The following PPARA variants were observed in gnomAD, a reference collection of about 807,000 sequenced individuals.
PPARA encodes the protein peroxisome proliferator-activated receptor alpha.
Under a neutral mutation model 42.2 loss-of-function variants are expected in PPARA, and 22 were observed. That is an observed-to-expected ratio of 0.52 (90% confidence interval 0.37 to 0.74). The LOEUF (loss-of-function observed/expected upper bound fraction) is 0.74, where lower values mean the gene tolerates loss of function less well. Among genes scored for constraint, PPARA ranks in the 30% least tolerant of loss-of-function variants. The pLI is 0.00. For missense variants in PPARA, 465 were observed against 608.2 expected, an observed-to-expected ratio of 0.76 and a Z score of 2.48; for synonymous variants, 242 against 239.3, an observed-to-expected ratio of 1.01 and a Z score of -0.10.
rs1934452692 is a variant in PPARA at position 46,216,023 on chromosome 22, A to G, written c.369+690A>G. Among the ~76,000 whole-genome samples, 1 of 152,192 alleles carries G rather than the reference A, an allele frequency of 6.6e-6. No homozygotes were observed. Among genetic ancestry groups the G allele is most frequent in the Non-Finnish European group, 1.5e-5 (1 of 68,038 alleles). The stretch of plus-strand genomic sequence containing the variant: ...AAGGTTGGGGATTGCTGCTTTAGAG[A>G]GTCTAGGACAAATGGTTCCTCTGTG... On this transcript the variant is annotated intron_variant, in intron 5 of 8. Transcript: ENST00000407236. This position sits in a 1 kb window ranked among gnomAD's most constrained non-coding sequence, Gnocchi z 4.5.
At chr22:46,170,402 ATTTTTTTTTTTT>A (rs935185946) in intron 2 of PPARA, among the ~76,000 whole-genome samples, 3 of 64,210 alleles carry the variant, frequency 4.7e-5, no homozygotes, top group Non-Finnish European at 8.9e-5. Context: ...CACCCAGCTA[ATTTTTTTTTTTT>A]TTTTTTTTTT....
At chr22:46,158,878 T>G (rs1925714915) in intron 2 of PPARA, among the ~76,000 whole-genome samples, 2 of 152,130 alleles carry the variant, frequency 1.3e-5, no homozygotes, top group African/African-American at 4.8e-5. Flanking sequence ...ACAACTGGGA[T>G]AGTGTCTCTT....
Position 46,227,702 on chromosome 22 carries a change from G to GA in PPARA, c.712-4086dup, listed in dbSNP as rs1338121627. Among the ~76,000 whole-genome samples, 2 of 152,226 alleles carry GA rather than the reference G, an allele frequency of 1.3e-5. No homozygotes were observed. Among genetic ancestry groups the GA allele is most frequent in the African/African-American group, 2.4e-5 (1 of 41,462 alleles). ...CTGCTCTCGGCATGGAGTGATTGGG[G>GA]AAAATCTAGGCAGCTTCCTGCCTCA... On this transcript the variant is annotated intron_variant, in intron 7 of 8. Transcript: ENST00000407236. The surrounding 1 kb of genome is among the most constrained non-coding windows in gnomAD (Gnocchi z 4.3).
intron 7 of PPARA, among the ~76,000 whole-genome samples, chr22:46,226,850 G>C (rs1464507770): frequency 2.0e-5 from 3 of 151,916 alleles, no homozygotes; most frequent in African/African-American, 4.8e-5. Context: ...GACACAGCAA[G>C]ACCCCGTCTC....
At chr22:46,217,468 G>A (rs939068100) in intron 5 of PPARA, among the ~76,000 whole-genome samples, 1 of 152,148 alleles carries the variant, frequency 6.6e-6, no homozygotes, top group Non-Finnish European at 1.5e-5. Flanking sequence ...GCTGGGTAGA[G>A]TTTAAGATGC....
chr22:46,202,605 G>A (rs369177601), intron 4 of PPARA, among the ~76,000 whole-genome samples: 1 of 151,982 alleles, frequency 6.6e-6, no homozygotes, highest in African/African-American at 2.4e-5. Flanking sequence ...GGGCGTGGAG[G>A]CGTGCACCTC....
At position 46,234,474 on chromosome 22, in the gene PPARA, G is replaced by A. The variant is rs1440461293; in HGVS notation, c.1160-659G>A. 2.0e-5 allele frequency among the ~76,000 whole-genome samples: 3 copies of A among 152,068 alleles called. No individual in the cohort carries two copies. The highest frequency in any genetic ancestry group is 1.5e-5 in the Non-Finnish European group (1 of 68,010). On this transcript the variant is annotated intron_variant, in intron 8 of 8. Transcript: ENST00000407236. The surrounding 1 kb of genome is among the most constrained non-coding windows in gnomAD (Gnocchi z 5.8). ...GACTGTCCCAGGATGTCTAGTGCCAGCTACCCCAGGCAGGTCATCTGGTGT... is the reference window on the plus strand; with the variant it reads ...GACTGTCCCAGGATGTCTAGTGCCAACTACCCCAGGCAGGTCATCTGGTGT...
chr22:46,186,000 C>T (rs1750357609), intron 3 of PPARA, among the ~76,000 whole-genome samples: 1 of 116,414 alleles, frequency 8.6e-6, no homozygotes, highest in African/African-American at 3.2e-5. Context: ...AGGACTATTG[C>T]AGAAGGGATT....
At chr22:46,226,943 C>G (rs902969999) in intron 7 of PPARA, among the ~76,000 whole-genome samples, 4 of 151,976 alleles carry the variant, frequency 2.6e-5, no homozygotes, top group African/African-American at 4.8e-5. Flanking sequence ...GTTTTTAAGA[C>G]CAGTTTTGAA....
At chr22:46,168,137 G>A (rs2147170726) in intron 2 of PPARA, among the ~76,000 whole-genome samples, 1 of 151,828 alleles carries the variant, frequency 6.6e-6, no homozygotes, top group African/African-American at 2.4e-5. Context: ...TGGATCACAA[G>A]GGCAGGAGAT....
rs1423577630 is a variant in PPARA at position 46,227,460 on chromosome 22, C to T, written c.712-4332C>T. ...AGACACGGGCTTTTGCCATGTTGGC[C>T]GGGCTGGTCTCGAAATCCTGACCTC... On this transcript the variant is annotated intron_variant, in intron 7 of 8. Transcript: ENST00000407236. The surrounding 1 kb of genome is among the most constrained non-coding windows in gnomAD (Gnocchi z 4.3). 5.9e-5 allele frequency among the ~76,000 whole-genome samples: 9 copies of T among 152,316 alleles called. No homozygotes were observed. The East Asian group carries it at 1.5e-3, about 26-fold the overall frequency.
chr22:46,215,284 A>T lies in PPARA; in HGVS notation c.320A>T (p.Asp107Val). 6.2e-7 allele frequency: 1 copy of T among 1,614,122 alleles called. No individual in the cohort carries two copies. The highest frequency in any genetic ancestry group is 8.5e-7 in the Non-Finnish European group (1 of 1,180,026). Residue 107 changes from aspartate (D) to valine (V), a missense_variant, in exon 5 of 9, where the codon GAC (aspartate) becomes GTC (valine). Around this residue, in one of 2 missense-constraint regions of PPARA, gnomAD observed 152 missense variants for 139.1 expected, o/e 1.09. Coordinates refer to ENST00000407236, the MANE Select transcript of PPARA (RefSeq NM_005036.6). ...ALNIECRICG[D>V]KASGYHYGVH... ...AACATCGAATGTAGAATCTGCGGGGACAAGGCCTCAGGCTATCATTACGGA... is the reference window on the plus strand; with the variant it reads ...AACATCGAATGTAGAATCTGCGGGGTCAAGGCCTCAGGCTATCATTACGGA...
In PPARA at chr22:46,191,658, GGGTGACAGCAGGCTGTGGCTGC is replaced by G. The variant is rs1931570085; in HGVS notation, c.-42-6681_-42-6660del. Among the ~76,000 whole-genome samples the G allele has an allele frequency of 6.6e-6, 1 of 152,180 alleles. No individual in the cohort carries two copies. Among genetic ancestry groups the G allele is most frequent in the Non-Finnish European group, 1.5e-5 (1 of 68,032 alleles). ...CACTGTGTGTGCCGCTTTGCCCTCT[GGGTGACAGCAGGCTGTGGCTGC>G]GGCGACAGAGCTGAGGTGAATTCTC... On this transcript the variant is annotated intron_variant, in intron 3 of 8. Transcript: ENST00000407236. The surrounding 1 kb of genome is among the most constrained non-coding windows in gnomAD (Gnocchi z 4.6).
intron 2 of PPARA, among the ~76,000 whole-genome samples, chr22:46,172,937 T>C (rs1226793614): frequency 1.3e-5 from 2 of 152,240 alleles, no homozygotes; most frequent in Non-Finnish European, 2.9e-5. Context: ...AAACCCTTAC[T>C]AGATTTCCTG....
chr22:46,220,826 C>G (rs1714548250), intron 7 of PPARA, among the ~76,000 whole-genome samples: 1 of 151,866 alleles, frequency 6.6e-6, no homozygotes, highest in Admixed American at 6.6e-5. Context: ...ACCTGTAATT[C>G]CAGCTACTTG....
At chr22:46,179,296 G>T (rs1292234752) in intron 3 of PPARA, among the ~76,000 whole-genome samples, 1 of 152,086 alleles carries the variant, frequency 6.6e-6, no homozygotes, top group Non-Finnish European at 1.5e-5. Flanking sequence ...ATGCCAAATG[G>T]CTTGATAATC....
intron 4 of PPARA, among the ~76,000 whole-genome samples, chr22:46,202,034 T>G (rs1479453636): frequency 6.6e-6 from 1 of 152,160 alleles, no homozygotes; most frequent in Non-Finnish European, 1.5e-5. Context: ...TTGGGTAAGA[T>G]ATACTCTAGA....
intron 2 of PPARA, chr22:46,155,644 T>G (rs922039799): frequency 6.6e-6 from 1 of 152,180 alleles, no homozygotes; most frequent in African/African-American, 2.4e-5. Context: ...GTATAGTTTC[T>G]GATTATGGGG....
chr22:46,214,873 A>C (rs949951165), intron 4 of PPARA, among the ~76,000 whole-genome samples: 2 of 145,966 alleles, frequency 1.4e-5, no homozygotes, highest in Non-Finnish European at 3.0e-5. Context: ...GCCCGGAGAT[A>C]TGCGGGGCGG....
Sources: allele counts gnomAD v4.1 joint callset (sites outside exome capture counted in the v4.1 genomes callset), GRCh38; gene constraint gnomAD v4.1.1; regional missense constraint gnomAD v4.1.1; non-coding constraint Gnocchi (gnomAD v3.1); transcripts MANE v1.5; gene names NCBI Gene and HGNC (gene_info 2026-07-23, HGNC 2026-07-21).